The following CABIN1 variants were observed in gnomAD, a reference collection of about 807,000 sequenced individuals.
CABIN1 encodes the protein calcineurin-binding protein cabin-1.
Under a neutral mutation model 227.7 loss-of-function variants are expected in CABIN1, and 133 were observed. The ratio of observed to expected loss-of-function variants is 0.58; its 90% confidence interval spans 0.51 to 0.67. The LOEUF is 0.67. CABIN1 is among the 30% of genes least tolerant of loss of function. The pLI is 0.00. For missense variants in CABIN1, 2,408 were observed against 2,852.5 expected, an observed-to-expected ratio of 0.84 and a Z score of 3.55; for synonymous variants, 1,086 against 1,155.1, an observed-to-expected ratio of 0.94 and a Z score of 1.21.
intron 33 of CABIN1, among the ~76,000 whole-genome samples, chr22:24,169,225 T>C (rs1225806767): frequency 6.6e-6 from 1 of 152,078 alleles, no homozygotes; most frequent in Admixed American, 6.5e-5. Flanking sequence ...AGAGCAGGTG[T>C]GCCCTGTCTA....
chr22:24,054,769 CAG>C (rs1569134476), intron 8 of CABIN1, 102 bp from the exon 9 acceptor site: 15 of 1,446,264 alleles, frequency 1.0e-5, no homozygotes, highest in Non-Finnish European at 1.5e-5. Flanking sequence ...ATGGCAGCTC[CAG>C]GAGCAGCTCT....
chr22:24,036,983 G>T (rs1053761841), intron 3 of CABIN1, among the ~76,000 whole-genome samples: 1 of 152,094 alleles, frequency 6.6e-6, no homozygotes, highest in Non-Finnish European at 1.5e-5. Flanking sequence ...AACCAGGCCG[G>T]GTGCGGTGGC....
At chr22:24,031,567 C>T (rs186277240) in intron 1 of CABIN1, among the ~76,000 whole-genome samples, 227 of 152,260 alleles carry the variant, frequency 1.5e-3, no homozygotes, top group Non-Finnish European at 2.1e-3. Context: ...GAAAAAAAAT[C>T]GACCAATGGG....
intron 24 of CABIN1, among the ~76,000 whole-genome samples, chr22:24,094,691 C>T (rs2041771092): frequency 6.6e-6 from 1 of 151,046 alleles, no homozygotes; most frequent in South Asian, 2.1e-4. Flanking sequence ...GTGGCGGGCG[C>T]CTGTAGTCCC....
At chr22:24,117,857 T>C (rs901166847) in intron 27 of CABIN1, among the ~76,000 whole-genome samples, 1 of 152,244 alleles carries the variant, frequency 6.6e-6, no homozygotes, top group African/African-American at 2.4e-5. Flanking sequence ...GATCCCAGCA[T>C]TATGGCTTAC....
chr22:24,098,288 G>T (rs573376253), intron 26 of CABIN1, 96 bp downstream of exon 26: 6 of 1,575,672 alleles, frequency 3.8e-6, no homozygotes, highest in South Asian at 2.2e-5. Context: ...TTTTGGTGAG[G>T]GGGGGTGCTG....
chr22:24,021,472 A>T (rs1319810965), intron 1 of CABIN1, among the ~76,000 whole-genome samples: 1 of 151,610 alleles, frequency 6.6e-6, no homozygotes, highest in African/African-American at 2.4e-5. Context: ...TGTCTTTTTT[A>T]AAAAATTATT....
chr22:24,050,508 T>C (rs907740450), intron 7 of CABIN1, among the ~76,000 whole-genome samples: 1 of 152,252 alleles, frequency 6.6e-6, no homozygotes, highest in Non-Finnish European at 1.5e-5. Flanking sequence ...GATTTTCTAA[T>C]AATAATTGAG....
chr22:24,076,155 TG>T lies in CABIN1; in HGVS notation c.2633-11del. ...CACACTAACTCTGTGTCTGTCGGCC[TG>T]GGCTTTCCCTAGGGATGTCAGAGAC... On this transcript the variant is annotated splice_polypyrimidine_tract_variant and intron_variant, in intron 18 of 36. Coordinates refer to ENST00000263119, the MANE Select transcript of CABIN1 (RefSeq NM_012295.4). The T allele has an allele frequency of 6.2e-7, 1 of 1,608,512 alleles. No homozygotes were observed.
chr22:24,160,971 G>C (rs547194582), intron 29 of CABIN1, among the ~76,000 whole-genome samples: 7 of 152,348 alleles, frequency 4.6e-5, no homozygotes, highest in African/African-American at 1.7e-4. Context: ...CCCTCCCTCT[G>C]TGGACCCCTA....
chr22:24,156,408 A>G, intron 29 of CABIN1: 1 of 262,284 alleles, frequency 3.8e-6, no homozygotes, highest in Non-Finnish European at 7.2e-6. Flanking sequence ...CGGGGGCGGC[A>G]GGCGCTGGTG....
intron 1 of CABIN1, among the ~76,000 whole-genome samples, chr22:24,030,468 T>A (rs143965158): frequency 4.6e-5 from 7 of 152,320 alleles, no homozygotes; most frequent in Admixed American, 3.9e-4. Context: ...TTTGTAAATG[T>A]CTAGGATGGA....
At chr22:24,137,616 C>T (rs1210381613) in intron 29 of CABIN1, among the ~76,000 whole-genome samples, 2 of 152,244 alleles carry the variant, frequency 1.3e-5, no homozygotes, top group African/African-American at 4.8e-5. Context: ...GCTGCTTTTA[C>T]CATCGTTTGG....
chr22:24,145,479 G>A (rs2045052499), intron 29 of CABIN1, among the ~76,000 whole-genome samples: 1 of 152,200 alleles, frequency 6.6e-6, no homozygotes, highest in African/African-American at 2.4e-5. Flanking sequence ...CCTGAGCCAG[G>A]ATTTAGGTGT....
chr22:24,053,768 G>T (rs987790070), intron 8 of CABIN1, among the ~76,000 whole-genome samples: 1 of 152,150 alleles, frequency 6.6e-6, no homozygotes, highest in African/African-American at 2.4e-5. Context: ...GCGCAGTGTG[G>T]CAGGGCCTGG....
intron 20 of CABIN1, among the ~76,000 whole-genome samples, chr22:24,084,131 G>A (rs922736195): frequency 3.3e-5 from 5 of 152,210 alleles, no homozygotes; most frequent in Admixed American, 3.3e-4. Context: ...CTCTGGCTCA[G>A]CCACGTGGGC....
intron 27 of CABIN1, among the ~76,000 whole-genome samples, chr22:24,118,627 T>C (rs2043221210): frequency 6.6e-6 from 1 of 152,180 alleles, no homozygotes; most frequent in South Asian, 2.1e-4. Context: ...TATCCCTTGC[T>C]CCCCAGCCCT....
chr22:24,025,794 C>T (rs569957298), intron 1 of CABIN1, among the ~76,000 whole-genome samples: 1 of 152,296 alleles, frequency 6.6e-6, no homozygotes, highest in South Asian at 2.1e-4. Flanking sequence ...CCCACTCAGC[C>T]TCCCAAGTAT....
chr22:24,042,818 C>CTTTG, intron 5 of CABIN1, 86 bp from the exon 6 acceptor site: 1 of 685,056 alleles, frequency 1.5e-6, no homozygotes, highest in South Asian at 1.6e-5. Flanking sequence ...AGAGATCTGA[C>CTTTG]TGTGTGTGTG....
Sources: allele counts gnomAD v4.1 joint callset (sites outside exome capture counted in the v4.1 genomes callset), GRCh38; gene constraint gnomAD v4.1.1; transcripts MANE v1.5; gene names NCBI Gene and HGNC (gene_info 2026-07-23, HGNC 2026-07-21).